ADAMTS6: variants seen among roughly 807,000 people sequenced by gnomAD.
The protein encoded by ADAMTS6 is A disintegrin and metalloproteinase with thrombospondin motifs 6.
A neutral mutation model predicts 144.3 loss-of-function variants in ADAMTS6; 23 were observed. The ratio of observed to expected loss-of-function variants is 0.16; its 90% CI spans 0.11 to 0.23. ADAMTS6 has a LOEUF of 0.23. Ranked by LOEUF, ADAMTS6 falls within the 10% of genes least tolerant of loss-of-function variation. The pLI is 1.00. For missense variants in ADAMTS6, 999 were observed against 1,379.6 expected (o/e 0.72, Z 4.37); for synonymous variants, 444 against 457.5 (o/e 0.97, Z 0.38).
chr5:65,207,124 T>G (rs907030478), intron 20 of ADAMTS6, among the ~76,000 whole-genome samples: 3 of 152,194 alleles, frequency 2.0e-5, no homozygotes, highest in Non-Finnish European at 2.9e-5. Context: ...GTAAACTGTC[T>G]CCTTCCTAAC....
chr5:65,401,339 G>T (rs1401918878), intron 7 of ADAMTS6, among the ~76,000 whole-genome samples: 5 of 152,112 alleles, frequency 3.3e-5, no homozygotes, highest in Non-Finnish European at 4.4e-5. Flanking sequence ...TCCCAGATCA[G>T]TTAGGCTCTG....
intron 7 of ADAMTS6, among the ~76,000 whole-genome samples, chr5:65,358,125 T>C (rs1194478460): frequency 6.6e-6 from 1 of 151,920 alleles, no homozygotes; most frequent in African/African-American, 2.4e-5. Context: ...AAAAGGATCA[T>C]TCACCATGAG....
intron 7 of ADAMTS6, among the ~76,000 whole-genome samples, chr5:65,436,195 C>A (rs1333024772): frequency 6.6e-6 from 1 of 151,500 alleles, no homozygotes; most frequent in African/African-American, 2.4e-5. Flanking sequence ...GCAACATAAC[C>A]TAAACAACAT....
At position 65,338,274 on chromosome 5, in the gene ADAMTS6, G is replaced by C. The variant is rs982671853; in HGVS notation, c.1074-4189C>G. Among the ~76,000 whole-genome samples the C allele has an allele frequency of 2.6e-5, 4 of 152,320 alleles. No homozygotes were observed. The South Asian group carries it at 6.2e-4, about 24-fold the overall frequency. ...AATCTACATAAAGCCCAGTACTTTA[G>C]GGAAATCAGGGTTCCACTTTTGAGT... is the stretch of plus-strand genomic sequence containing the variant. On this transcript the variant is annotated intron_variant, in intron 7 of 24. Coordinates refer to ENST00000381055, the MANE Select transcript of ADAMTS6 (RefSeq NM_197941.4).
intron 22 of ADAMTS6, among the ~76,000 whole-genome samples, chr5:65,179,958 G>GCACA (rs57687665): frequency 1.2e-4 from 5 of 42,484 alleles, no homozygotes; most frequent in African/African-American, 2.0e-4. Flanking sequence ...GCACGCACGC[G>GCACA]CACACACACA....
chr5:65,334,015 A>AAAC (rs1747047823), intron 8 of ADAMTS6, 27 bp downstream of exon 8: 4 of 1,413,544 alleles, frequency 2.8e-6, no homozygotes, highest in Non-Finnish European at 3.7e-6. Context: ...AAAAAAAAAA[A>AAAC]AAAAAAAAAA....
At chr5:65,307,007 A>G (rs1157864730) in intron 9 of ADAMTS6, among the ~76,000 whole-genome samples, 1 of 151,950 alleles carries the variant, frequency 6.6e-6, no homozygotes, top group East Asian at 1.9e-4. Context: ...TTTTGATTAA[A>G]CTCTTCATTT....
intron 20 of ADAMTS6, chr5:65,210,789 C>G (rs191643702): frequency 8.5e-5 from 50 of 589,508 alleles, no homozygotes; most frequent in African/African-American, 7.9e-4. Flanking sequence ...AGAAACAGTT[C>G]TCTCAACACA....
rs771341999 is a variant in ADAMTS6 at position 65,470,667 on chromosome 5, A to T, written c.462+111T>A. ...AAAAATTTTAAACTATTACCTTCCT[A>T]CTTAAACTACCTATATATATATATA... On this transcript the variant is annotated intron_variant, in intron 3 of 24. Transcript: ENST00000381055. 6 of 845,094 alleles carry T rather than the reference A, an allele frequency of 7.1e-6. No homozygotes were observed. In the South Asian group the frequency reaches 2.1e-4, roughly 30 times the overall value. 52.3% of individuals were successfully genotyped at this position (845,094 alleles called of 1,614,324 possible). A position where few individuals can be genotyped will look rare whatever the true frequency, so the allele number is the denominator to read the frequency against.
At chr5:65,370,740 C>T (rs1188194178) in intron 7 of ADAMTS6, among the ~76,000 whole-genome samples, 1 of 152,218 alleles carries the variant, frequency 6.6e-6, no homozygotes, top group Non-Finnish European at 1.5e-5. Flanking sequence ...GTAAACAAAG[C>T]AGAGGGGAAG....
At chr5:65,222,336 G>A (rs1014677780) in intron 18 of ADAMTS6, among the ~76,000 whole-genome samples, 1 of 152,142 alleles carries the variant, frequency 6.6e-6, no homozygotes, top group Admixed American at 6.5e-5. Flanking sequence ...TCTCACAAAT[G>A]TGTCAGGGTA....
At chr5:65,319,237 T>C (rs1745298503) in intron 9 of ADAMTS6, among the ~76,000 whole-genome samples, 1 of 152,172 alleles carries the variant, frequency 6.6e-6, no homozygotes, top group African/African-American at 2.4e-5. Context: ...AAGAAATTTA[T>C]AGCTGTTAAG....
chr5:65,187,362 A>T (rs983439405), intron 22 of ADAMTS6, among the ~76,000 whole-genome samples: 4 of 152,174 alleles, frequency 2.6e-5, no homozygotes, highest in Non-Finnish European at 4.4e-5. Flanking sequence ...TATGCCAAGA[A>T]AACATTATCT....
At chr5:65,259,157 G>C (rs1346372820) in intron 14 of ADAMTS6, among the ~76,000 whole-genome samples, 2 of 151,852 alleles carry the variant, frequency 1.3e-5, no homozygotes, top group Admixed American at 6.6e-5. Context: ...AGGAGTTCGA[G>C]ACCAGTCTGG....
intron 7 of ADAMTS6, among the ~76,000 whole-genome samples, chr5:65,416,392 A>C (rs1461416382): frequency 6.6e-6 from 1 of 152,230 alleles, no homozygotes; most frequent in African/African-American, 2.4e-5. Context: ...AAGTTCTTCA[A>C]AAGGTTAAAC....
intron 9 of ADAMTS6, among the ~76,000 whole-genome samples, chr5:65,311,638 T>C (rs1744501563): frequency 6.6e-6 from 1 of 152,100 alleles, no homozygotes. Flanking sequence ...CATTTCCTCC[T>C]ATATTATATG....
chr5:65,307,142 A>C (rs1411340841), intron 9 of ADAMTS6, among the ~76,000 whole-genome samples: 1 of 152,134 alleles, frequency 6.6e-6, no homozygotes, highest in Non-Finnish European at 1.5e-5. Flanking sequence ...TAATAGTTTG[A>C]TTTCCACATT....
At chr5:65,446,533 TA>T (rs1758282541) in intron 7 of ADAMTS6, among the ~76,000 whole-genome samples, 3 of 152,188 alleles carry the variant, frequency 2.0e-5, no homozygotes, top group African/African-American at 7.2e-5. Flanking sequence ...TGCTTTTCAT[TA>T]ATGAAAAACT....
intron 7 of ADAMTS6, among the ~76,000 whole-genome samples, chr5:65,403,788 T>G (rs1220986806): frequency 6.6e-6 from 1 of 152,084 alleles, no homozygotes; most frequent in East Asian, 1.9e-4. Context: ...CTCTCTAGAC[T>G]CCATTATCTT....
Sources: allele counts gnomAD v4.1 joint callset (sites outside exome capture counted in the v4.1 genomes callset), GRCh38; gene constraint gnomAD v4.1.1; transcripts MANE v1.5; gene names NCBI Gene and HGNC (gene_info 2026-07-23, HGNC 2026-07-21).